TMEM120B: variants seen among roughly 807,000 people sequenced by gnomAD.
TMEM120B encodes the protein transmembrane protein 120B.
A neutral mutation model predicts 55.5 loss-of-function variants in TMEM120B; 31 were observed. The ratio of observed to expected loss-of-function variants is 0.56; its 90% CI spans 0.42 to 0.75. The LOEUF is 0.75. Among genes scored for constraint, TMEM120B ranks in the 30% least tolerant of loss-of-function variants. The probability of loss-of-function intolerance (pLI) is 0.00; values close to 1 mark genes in which losing one functional copy is unlikely to be tolerated. For missense variants in TMEM120B, 399 were observed against 425.5 expected, an observed-to-expected ratio of 0.94 and a Z score of 0.55; for synonymous variants, 203 against 176.3, an observed-to-expected ratio of 1.15 and a Z score of -1.20.
In TMEM120B at chr12:121,776,104, G is replaced by C. The variant is rs1337767137; in HGVS notation, c.*382G>C. 4 of 493,772 alleles carry C rather than the reference G, an allele frequency of 8.1e-6. No homozygotes were observed. The highest frequency in any genetic ancestry group is 3.4e-5 in the East Asian group (1 of 29,804). 30.6% of individuals were successfully genotyped at this position (493,772 alleles called of 1,614,324 possible). Reference sequence around the variant, plus strand: ...TGCCTCGCGGGGTTGGATTTATGCTGACCTGCTACTTACCAGGCCCAGGCT... The same window carrying C: ...TGCCTCGCGGGGTTGGATTTATGCTCACCTGCTACTTACCAGGCCCAGGCT... On this transcript the variant is annotated 3_prime_UTR_variant, in exon 12 of 12. Coordinates refer to ENST00000449592, the MANE Select transcript of TMEM120B (RefSeq NM_001080825.2).
chr12:121,723,026 G>A (rs990855039), intron 1 of TMEM120B, among the ~76,000 whole-genome samples: 14 of 151,720 alleles, frequency 9.2e-5, no homozygotes, highest in Non-Finnish European at 1.3e-4. Flanking sequence ...TTTTGTATTT[G>A]TAGTAGAGAC....
chr12:121,774,682 G>C lies in TMEM120B; in HGVS notation c.797G>C (p.Arg266Pro). 6.2e-7 allele frequency: 1 copy of C among 1,613,926 alleles called. No homozygotes were observed. The highest frequency in any genetic ancestry group is 8.5e-7 in the Non-Finnish European group (1 of 1,179,886). Residue 266 changes from arginine (R) to proline (P), a missense_variant, in exon 10 of 12, where the codon CGG becomes CCG. Around this residue, in one of 3 missense-constraint regions of TMEM120B, gnomAD observed 260 missense variants for 303.9 expected, o/e 0.86. Coordinates refer to ENST00000449592, the MANE Select transcript of TMEM120B (RefSeq NM_001080825.2). ...GAAGGGTTCCAGTCCTGGATGTGGCGGGGCCTCACCTTTCTCCTGCCCTTC... is the reference window on the plus strand; with the variant it reads ...GAAGGGTTCCAGTCCTGGATGTGGCCGGGCCTCACCTTTCTCCTGCCCTTC... ...TVEGFQSWMW[R>P]GLTFLLPFLF...
In TMEM120B at chr12:121,777,063, C is replaced by G. The variant is rs1229598847; in HGVS notation, c.*1341C>G. 2 of 151,530 alleles carry G rather than the reference C, an allele frequency of 1.3e-5. No homozygotes were observed. The highest frequency in any genetic ancestry group is 4.9e-5 in the African/African-American group (2 of 41,184). The allele number at this position is 151,530 out of a possible 1,614,324, so 9.4% of individuals were successfully genotyped here. A position where few individuals can be genotyped will look rare whatever the true frequency, so the allele number is the denominator to read the frequency against. On this transcript the variant is annotated 3_prime_UTR_variant, in exon 12 of 12. Transcript: ENST00000449592. ...CTCTGCCTCCCAGGTTCAAGTGATT[C>G]TCCTGCCTCAGCCTCCCGAGTAACT...
chr12:121,712,843 C>A lies in TMEM120B; in HGVS notation c.-53C>A, dbSNP rs1315473850. 9 of 1,324,462 alleles carry A rather than the reference C, an allele frequency of 6.8e-6. No homozygotes were observed. The highest frequency in any genetic ancestry group is 2.0e-5 in the South Asian group (1 of 49,462). 82.0% of individuals were successfully genotyped at this position (1,324,462 alleles called of 1,614,324 possible). A position where few individuals can be genotyped will look rare whatever the true frequency, so the allele number is the denominator to read the frequency against. ...GGGCGTGGGGCGCTGGGGGGCCGGT[C>A]GGGCAGCGCTGCGGGAGCAGCCGCC... is the stretch of plus-strand genomic sequence containing the variant. On this transcript the variant is annotated 5_prime_UTR_variant, in exon 1 of 12. Coordinates refer to ENST00000449592, the MANE Select transcript of TMEM120B (RefSeq NM_001080825.2).
chr12:121,718,439 G>A (rs1206630909), intron 1 of TMEM120B, among the ~76,000 whole-genome samples: 4 of 152,186 alleles, frequency 2.6e-5, no homozygotes, highest in Admixed American at 2.0e-4. Context: ...CCAGAAGGCG[G>A]AGGTTGCAGT....
chr12:121,714,126 C>G (rs1894650888), intron 1 of TMEM120B, among the ~76,000 whole-genome samples: 1 of 152,094 alleles, frequency 6.6e-6, no homozygotes, highest in Non-Finnish European at 1.5e-5. Flanking sequence ...GGGAAGGGAC[C>G]TAGACACATC....
In TMEM120B at chr12:121,779,387, G is replaced by A; in HGVS notation, c.*3665G>A. 8.5e-7 allele frequency: 1 copy of A among 1,171,180 alleles called. No homozygotes were observed. The allele number at this position is 1,171,180 out of a possible 1,614,324, so 72.5% of individuals were successfully genotyped here. On this transcript the variant is annotated 3_prime_UTR_variant, in exon 12 of 12. Transcript: ENST00000449592. ...AGAATGTTCCAAGAGTCTAGCCGCAGGCCCCAGACACCATGAGCTGGAGGG... is the reference window on the plus strand; with the variant it reads ...AGAATGTTCCAAGAGTCTAGCCGCAAGCCCCAGACACCATGAGCTGGAGGG...
chr12:121,764,598 G>T (rs1239827151), intron 6 of TMEM120B, among the ~76,000 whole-genome samples: 2 of 151,892 alleles, frequency 1.3e-5, no homozygotes, highest in African/African-American at 4.8e-5. Flanking sequence ...AGGATTGTAT[G>T]AGCCCAGGAG....
chr12:121,763,756 G>T (rs879286053), intron 6 of TMEM120B, among the ~76,000 whole-genome samples: 1 of 151,990 alleles, frequency 6.6e-6, no homozygotes, highest in South Asian at 2.1e-4. Flanking sequence ...GTGCCATTCC[G>T]GTTCCTGTTC....
chr12:121,713,286 T>G (rs1894635441), intron 1 of TMEM120B, among the ~76,000 whole-genome samples: 1 of 151,956 alleles, frequency 6.6e-6, no homozygotes, highest in African/African-American at 2.4e-5. Flanking sequence ...TGGGGGTGGT[T>G]CAAAGAGAAC....
At position 121,762,493 on chromosome 12, in the gene TMEM120B, G is replaced by GGTGCAGAATGGATC. The variant is rs569518854; in HGVS notation, c.551+756_551+769dup. Among the ~76,000 whole-genome samples the GGTGCAGAATGGATC allele has an allele frequency of 1.2e-4, 19 of 152,310 alleles. No homozygotes were observed. The East Asian group carries it at 3.7e-3, about 29-fold the overall frequency. On this transcript the variant is annotated intron_variant, in intron 6 of 11. Transcript: ENST00000449592. ...CACTGGGTCGCACTGGCTATGTCCA[G>GGTGCAGAATGGATC]GTGCAGAATGGATCATGTACCTATC...
At chr12:121,731,743 G>A (rs932773032) in intron 1 of TMEM120B, among the ~76,000 whole-genome samples, 2 of 152,184 alleles carry the variant, frequency 1.3e-5, no homozygotes, top group South Asian at 2.1e-4. Context: ...TGAGTGTAAT[G>A]CCATCGCATT....
chr12:121,752,153 A>C lies in TMEM120B; in HGVS notation c.391A>C (p.Lys131Gln). The C allele has an allele frequency of 6.2e-7, 1 of 1,613,522 alleles. No homozygotes were observed. The highest frequency in any genetic ancestry group is 1.1e-5 in the South Asian group (1 of 91,082). Reference sequence around the variant, plus strand: ...GTTCGCCTACAAGGACGAATATGAGAAGTTCAAGCTCTACCTGACCATCAT... The same window carrying C: ...GTTCGCCTACAAGGACGAATATGAGCAGTTCAAGCTCTACCTGACCATCAT... The part of the protein sequence containing the change: ...AKFAYKDEYE[K>Q]FKLYLTIILL... Residue 131 changes from lysine to glutamine, a missense_variant, in exon 5 of 12, where the codon AAG becomes CAG. Lys to Gln is a moderately conservative substitution (Grantham distance 53). Coordinates refer to ENST00000449592, the MANE Select transcript of TMEM120B (RefSeq NM_001080825.2).
intron 1 of TMEM120B, among the ~76,000 whole-genome samples, chr12:121,725,822 AG>A: frequency 6.6e-6 from 1 of 152,014 alleles, no homozygotes; most frequent in Non-Finnish European, 1.5e-5. Flanking sequence ...AGATCACCTG[AG>A]GTCAGGGGTT....
intron 1 of TMEM120B, among the ~76,000 whole-genome samples, chr12:121,728,024 C>G (rs918990299): frequency 2.0e-5 from 3 of 151,856 alleles, no homozygotes; most frequent in African/African-American, 7.3e-5. Context: ...CTTTTTCCCC[C>G]TAAGACAGAG....
chr12:121,728,332 A>G (rs1026065449), intron 1 of TMEM120B, among the ~76,000 whole-genome samples: 3 of 151,778 alleles, frequency 2.0e-5, no homozygotes, highest in Non-Finnish European at 4.4e-5. Context: ...TACTAAAAAT[A>G]CAAAAAATTA....
intron 3 of TMEM120B, among the ~76,000 whole-genome samples, chr12:121,749,918 A>AC (rs1447364780): frequency 9.9e-5 from 15 of 151,388 alleles, no homozygotes; most frequent in African/African-American, 3.7e-4. Flanking sequence ...AAAAAAAAAA[A>AC]AACAAAAAAC....
rs750313311 is a variant in TMEM120B, at chr12:121,780,916, G to C, written c.*5194G>C. 6.2e-7 allele frequency: 1 copy of C among 1,613,794 alleles called. No homozygotes were observed. The highest frequency in any genetic ancestry group is 1.3e-5 in the African/African-American group (1 of 74,910). On this transcript the variant is annotated 3_prime_UTR_variant, in exon 12 of 12. Transcript: ENST00000449592. ...TCCAGCTGGGCGGCCCGGAGCTTCC[G>C]CAGCTGCTCCTTGTCCTTCCTCAGG...
chr12:121,719,216 T>C (rs1894752040), intron 1 of TMEM120B, among the ~76,000 whole-genome samples: 2 of 150,768 alleles, frequency 1.3e-5, no homozygotes, highest in African/African-American at 4.9e-5. Flanking sequence ...GATGGTCCCA[T>C]GAAGGAAAAT....
Sources: gnomAD v4.1 joint callset for allele counts (sites outside exome capture counted in the v4.1 genomes callset) on GRCh38, gnomAD v4.1.1 for gene constraint, gnomAD v4.1.1 regional missense constraint, MANE v1.5 for transcripts, NCBI Gene and HGNC (gene_info 2026-07-23, HGNC 2026-07-21) for gene names.